FAM13C: variants seen among roughly 807,000 people sequenced by gnomAD.
FAM13C encodes the protein protein FAM13C.
In FAM13C, 37 loss-of-function variants were observed where a neutral mutation model predicts 73.2. That is an observed-to-expected ratio of 0.51 (90% CI 0.39 to 0.67). The LOEUF (loss-of-function observed/expected upper bound fraction) is 0.67. FAM13C is among the 30% of genes least tolerant of loss of function. FAM13C has a pLI of 0.00. For synonymous variants in FAM13C, 246 were observed against 260.9 expected, an observed-to-expected ratio of 0.94 and a Z score of 0.55; for missense variants, 589 against 715.6, an observed-to-expected ratio of 0.82 and a Z score of 2.02.
intron 5 of FAM13C, among the ~76,000 whole-genome samples, chr10:59,290,219 C>G (rs1846062348): frequency 6.6e-6 from 1 of 152,200 alleles, no homozygotes; most frequent in East Asian, 1.9e-4. Context: ...AACACCCACA[C>G]AGGCTGGATG....
At chr10:59,347,135 A>G (rs1854398508) in intron 3 of FAM13C, among the ~76,000 whole-genome samples, 1 of 152,182 alleles carries the variant, frequency 6.6e-6, no homozygotes, top group South Asian at 2.1e-4. Flanking sequence ...AATTCAAATA[A>G]GCGTTCTCCT....
chr10:59,251,799 A>AC, intron 12 of FAM13C, 123 bp from the exon 13 acceptor site: 5 of 710,158 alleles, frequency 7.0e-6, no homozygotes, highest in Non-Finnish European at 1.2e-5. Context: ...TCATAAGAGT[A>AC]TCTTTTGAGT....
intron 6 of FAM13C, among the ~76,000 whole-genome samples, chr10:59,273,297 C>T (rs975405082): frequency 9.9e-5 from 15 of 152,104 alleles, no homozygotes; most frequent in African/African-American, 3.1e-4. Flanking sequence ...AGCATAGAAA[C>T]TACTGAACAC....
chr10:59,319,657 T>C (rs1849962039), intron 4 of FAM13C, among the ~76,000 whole-genome samples: 2 of 152,172 alleles, frequency 1.3e-5, no homozygotes, highest in African/African-American at 4.8e-5. Context: ...TCCATACAGA[T>C]TGATGGTACT....
chr10:59,265,860 T>C (rs1843008456), intron 8 of FAM13C, among the ~76,000 whole-genome samples: 3 of 152,226 alleles, frequency 2.0e-5, no homozygotes, highest in African/African-American at 4.8e-5. Context: ...AGTTCTCATA[T>C]ACAAGCTGTA....
intron 3 of FAM13C, among the ~76,000 whole-genome samples, chr10:59,338,000 T>C (rs1852970127): frequency 6.6e-6 from 1 of 152,130 alleles, no homozygotes; most frequent in Non-Finnish European, 1.5e-5. Context: ...ATTTTCATTC[T>C]CACTGTTGTC....
chr10:59,311,924 C>A (rs1205002675), intron 4 of FAM13C, among the ~76,000 whole-genome samples: 1 of 152,110 alleles, frequency 6.6e-6, no homozygotes, highest in African/African-American at 2.4e-5. Flanking sequence ...CTTCCTGTAC[C>A]CAGCTCCTCC....
Position 59,302,757 on chromosome 10 carries a change from A to G in FAM13C, c.507+44T>C, listed in dbSNP as rs749883445. On this transcript the variant is annotated intron_variant, in intron 5 of 13. Coordinates refer to ENST00000618804, the MANE Select transcript of FAM13C (RefSeq NM_198215.4). ...GTGAAAAAGAATAGTAAATCTCATG[A>G]TTGGCTAATTCATGTTCTTATAACC... The G allele has an allele frequency of 1.9e-6, 3 of 1,539,126 alleles. No homozygotes were observed. The African/African-American group carries it at 4.1e-5, about 21-fold the overall frequency.
chr10:59,359,790 G>A (rs565241530), intron 1 of FAM13C, among the ~76,000 whole-genome samples: 1 of 152,334 alleles, frequency 6.6e-6, no homozygotes, highest in Admixed American at 6.5e-5. Flanking sequence ...AAACCTGGGA[G>A]ACTGCAATTT....
At chr10:59,336,405 T>C (rs1394705320) in intron 3 of FAM13C, among the ~76,000 whole-genome samples, 1 of 152,228 alleles carries the variant, frequency 6.6e-6, no homozygotes, top group African/African-American at 2.4e-5. Flanking sequence ...CAGTGTGTAA[T>C]GTTCACACCA....
In FAM13C at chr10:59,352,447, G is replaced by A. The variant is rs375177117; in HGVS notation, c.147C>T (p.Pro49=). Reference sequence around the variant, plus strand: ...GCTCTTCTACCAGAGCCCCTGCGTCGGGGTAGTTCTCTTTATTGTTTTCAT... The same window carrying A: ...GCTCTTCTACCAGAGCCCCTGCGTCAGGGTAGTTCTCTTTATTGTTTTCAT... ...LRDENNKENY[P]DAGALVEEHA... is the part of the protein sequence containing the mutation. Residue 49 remains proline (P), a synonymous_variant, in exon 3 of 14, where the codon CCC becomes CCT. Coordinates refer to ENST00000618804, the MANE Select transcript of FAM13C (RefSeq NM_198215.4). 1.1e-5 allele frequency: 18 copies of A among 1,611,868 alleles called. No individual in the cohort carries two copies. The highest frequency in any genetic ancestry group is 5.3e-5 in the African/African-American group (4 of 74,824).
intron 4 of FAM13C, among the ~76,000 whole-genome samples, chr10:59,315,798 C>T (rs1161552986): frequency 2.0e-5 from 3 of 152,126 alleles, no homozygotes; most frequent in Non-Finnish European, 2.9e-5. Flanking sequence ...TCCAACATTC[C>T]ACCCAGAGCC....
intron 4 of FAM13C, among the ~76,000 whole-genome samples, chr10:59,304,785 G>C (rs983455495): frequency 1.9e-4 from 18 of 96,786 alleles, no homozygotes; most frequent in African/African-American, 6.9e-4. Context: ...GAAGGGAAGG[G>C]AAGGGAAGGG....
chr10:59,291,077 A>G (rs1035232280), intron 5 of FAM13C, among the ~76,000 whole-genome samples: 1 of 152,180 alleles, frequency 6.6e-6, no homozygotes, highest in Admixed American at 6.5e-5. Flanking sequence ...TTGACACACT[A>G]TAAATATCTC....
At chr10:59,249,318 G>A (rs1022073126) in intron 13 of FAM13C, among the ~76,000 whole-genome samples, 6 of 52,390 alleles carry the variant, frequency 1.1e-4, no homozygotes, top group Non-Finnish European at 2.9e-4. Context: ...GCAGGAGAAT[G>A]GCGTGAACCC....
chr10:59,275,040 G>A (rs895259382), intron 6 of FAM13C, among the ~76,000 whole-genome samples: 34 of 152,138 alleles, frequency 2.2e-4, no homozygotes, highest in African/African-American at 8.2e-4. Context: ...TCACCTTAGT[G>A]GTACAGCTGA....
At chr10:59,346,696 A>G (rs1241184232) in intron 3 of FAM13C, among the ~76,000 whole-genome samples, 2 of 152,230 alleles carry the variant, frequency 1.3e-5, no homozygotes, top group Admixed American at 1.3e-4. Context: ...TATGAGGTCC[A>G]TTACAGGAAG....
intron 4 of FAM13C, among the ~76,000 whole-genome samples, chr10:59,306,469 C>G (rs1848265665): frequency 6.6e-6 from 1 of 152,112 alleles, no homozygotes; most frequent in African/African-American, 2.4e-5. Flanking sequence ...AGAGGCAGTG[C>G]CTTAAGGAGA....
intron 10 of FAM13C, among the ~76,000 whole-genome samples, chr10:59,256,016 C>T (rs1040545484): frequency 6.6e-5 from 10 of 152,188 alleles, no homozygotes; most frequent in African/African-American, 1.7e-4. Flanking sequence ...AAGTTCCATA[C>T]GCTGTGACCT....
Sources: gnomAD v4.1 joint callset for allele counts (sites outside exome capture counted in the v4.1 genomes callset) on GRCh38, gnomAD v4.1.1 for gene constraint, MANE v1.5 for transcripts, NCBI Gene and HGNC (gene_info 2026-07-23, HGNC 2026-07-21) for gene names.